The following SHISA6 variants were observed in gnomAD, a reference collection of about 807,000 sequenced individuals.
SHISA6 encodes the protein shisa family member 6.
SHISA6 carries 22 observed loss-of-function variants against 47.9 expected under a neutral mutation model. The observed-to-expected ratio is 0.46, with a 90% CI of 0.33 to 0.66. SHISA6 has a LOEUF of 0.66. Ranked by LOEUF, SHISA6 falls within the 30% of genes least tolerant of loss-of-function variation. SHISA6 has a pLI of 0.02. For missense variants in SHISA6, 680 were observed against 764.6 expected (o/e 0.89, Z 1.30); for synonymous variants, 388 against 337.8 (o/e 1.15, Z -1.63).
intron 3 of SHISA6, among the ~76,000 whole-genome samples, chr17:11,532,083 A>G (rs753773005): frequency 2.6e-5 from 4 of 151,508 alleles, no homozygotes; most frequent in Non-Finnish European, 5.9e-5. Context: ...ATGACAGAAG[A>G]TAATGATGTA....
chr17:11,454,298 C>T (rs1186690326), intron 3 of SHISA6, among the ~76,000 whole-genome samples: 7 of 152,188 alleles, frequency 4.6e-5, no homozygotes, highest in Admixed American at 4.6e-4. Flanking sequence ...CGTTATCTCT[C>T]GCCTGGGCTT....
At position 11,558,125 on chromosome 17, in the gene SHISA6, A is replaced by T. The variant is rs2072001532; in HGVS notation, c.1477A>T (p.Ser493Cys). 2 of 1,551,288 alleles carry T rather than the reference A, an allele frequency of 1.3e-6. No homozygotes were observed. Among genetic ancestry groups the T allele is most frequent in the Non-Finnish European group, 8.7e-7 (1 of 1,147,008 alleles). ...ACCCGTGCTGGACCGCTACCGCATGAGCAAGATGCACTCTCATCCCAGTGC... is the reference window on the plus strand; with the variant it reads ...ACCCGTGCTGGACCGCTACCGCATGTGCAAGATGCACTCTCATCCCAGTGC... The part of the protein sequence containing the change: ...STPVLDRYRM[S>C]KMHSHPSASN... The change falls in exon 6 of 6, where the codon AGC (serine) becomes TGC (cysteine). Residue 493 changes from serine to cysteine, a missense_variant. Around this residue, in one of 2 missense-constraint regions of SHISA6, gnomAD observed 559 missense variants for 674.1 expected, o/e 0.83. Coordinates refer to ENST00000441885, the MANE Select transcript of SHISA6 (RefSeq NM_207386.4).
chr17:11,422,168 G>A (rs1914466787), intron 3 of SHISA6, among the ~76,000 whole-genome samples: 1 of 152,200 alleles, frequency 6.6e-6, no homozygotes, highest in Non-Finnish European at 1.5e-5. Context: ...CTCAGGCTGA[G>A]CATGTGATGA....
intron 2 of SHISA6, among the ~76,000 whole-genome samples, chr17:11,301,967 CA>C (rs1909943771): frequency 6.6e-6 from 1 of 152,180 alleles, no homozygotes; most frequent in African/African-American, 2.4e-5. Flanking sequence ...AGGCAAAAGG[CA>C]CTTCTTACAT....
chr17:11,459,105 G>T (rs980773740), intron 3 of SHISA6, among the ~76,000 whole-genome samples: 1 of 151,416 alleles, frequency 6.6e-6, no homozygotes, highest in Non-Finnish European at 1.5e-5. Flanking sequence ...TGTGGTCCCA[G>T]CTACTCGGGA....
intron 2 of SHISA6, among the ~76,000 whole-genome samples, chr17:11,345,141 C>G (rs556079779): frequency 6.6e-5 from 10 of 152,190 alleles, no homozygotes; most frequent in African/African-American, 2.4e-4. Flanking sequence ...AATAGTATTT[C>G]ATTTGAATGA....
intron 2 of SHISA6, among the ~76,000 whole-genome samples, chr17:11,352,712 G>T (rs936241308): frequency 2.6e-5 from 4 of 152,134 alleles, no homozygotes; most frequent in Non-Finnish European, 5.9e-5. Context: ...GAGAGGGTTG[G>T]TGCGCCTTGT....
At chr17:11,267,391 G>T (rs1252845662) in intron 2 of SHISA6, among the ~76,000 whole-genome samples, 4 of 152,166 alleles carry the variant, frequency 2.6e-5, no homozygotes, top group Non-Finnish European at 5.9e-5. Flanking sequence ...CAGAGGATTT[G>T]TACACATGAT....
At position 11,493,919 on chromosome 17, in the gene SHISA6, T is replaced by G. The variant is rs1435434477; in HGVS notation, c.896-57977T>G. On this transcript the variant is annotated intron_variant, in intron 3 of 5. Transcript: ENST00000441885. ...TAAATTCTGTTCTCCCTTCTATTTT[T>G]TTTTTGACTTGTTCTTTCTTTATAC... is the stretch of plus-strand genomic sequence containing the variant. Among the ~76,000 whole-genome samples the G allele has an allele frequency of 6.1e-5, 9 of 147,714 alleles. No homozygotes were observed. The East Asian group carries it at 1.7e-3, about 29-fold the overall frequency.
chr17:11,439,090 C>T (rs1206969104), intron 3 of SHISA6, among the ~76,000 whole-genome samples: 2 of 152,148 alleles, frequency 1.3e-5, no homozygotes, highest in Non-Finnish European at 2.9e-5. Context: ...GGGCTGGGCT[C>T]TCCTACTCCT....
intron 2 of SHISA6, among the ~76,000 whole-genome samples, chr17:11,345,575 C>G (rs1022104348): frequency 1.3e-5 from 2 of 152,054 alleles, no homozygotes; most frequent in African/African-American, 2.4e-5. Context: ...ATTTTGCTAT[C>G]TTAACAATAT....
At chr17:11,407,089 A>C (rs1049057450) in intron 3 of SHISA6, among the ~76,000 whole-genome samples, 1 of 152,170 alleles carries the variant, frequency 6.6e-6, no homozygotes, top group Non-Finnish European at 1.5e-5. Flanking sequence ...CATAAATAAT[A>C]ATAGCTAGCA....
chr17:11,491,990 C>T (rs1228254156), intron 3 of SHISA6, among the ~76,000 whole-genome samples: 3 of 151,990 alleles, frequency 2.0e-5, no homozygotes, highest in Non-Finnish European at 2.9e-5. Flanking sequence ...AGGATGGTCT[C>T]GATCTCTTGA....
At chr17:11,533,587 ATTTTTTTTTTT>A (rs3038696) in intron 3 of SHISA6, among the ~76,000 whole-genome samples, 1 of 94,998 alleles carries the variant, frequency 1.1e-5, no homozygotes, top group Non-Finnish European at 2.0e-5. Flanking sequence ...CCCTTTCATT[ATTTTTTTTTTT>A]TTTTTTTTTT....
intron 3 of SHISA6, among the ~76,000 whole-genome samples, chr17:11,513,206 ATATG>A (rs1197422054): frequency 2.3e-5 from 3 of 131,312 alleles, no homozygotes; most frequent in Non-Finnish European, 3.2e-5. Flanking sequence ...ATGTGTGTAT[ATATG>A]TATGTGTTAT....
intron 3 of SHISA6, among the ~76,000 whole-genome samples, chr17:11,549,166 T>C (rs1333366607): frequency 6.6e-6 from 1 of 152,052 alleles, no homozygotes; most frequent in African/African-American, 2.4e-5. Context: ...GTTATTTAGG[T>C]GGGGGAGTTG....
chr17:11,443,288 A>G lies in SHISA6; in HGVS notation c.895+63779A>G, dbSNP rs576525979. On this transcript the variant is annotated intron_variant, in intron 3 of 5. Transcript: ENST00000441885. ...GAATTTGCACATCCATCCCTCTGTA[A>G]GAGTGGGCCCATGGAACATGAAGAT... Among the ~76,000 whole-genome samples, 5 of 152,340 alleles carry G rather than the reference A, an allele frequency of 3.3e-5. No individual in the cohort carries two copies. In the East Asian group the frequency reaches 7.7e-4, roughly 24 times the overall value.
intron 3 of SHISA6, among the ~76,000 whole-genome samples, chr17:11,394,744 A>C (rs1489935169): frequency 6.6e-6 from 1 of 152,140 alleles, no homozygotes; most frequent in Non-Finnish European, 1.5e-5. Flanking sequence ...CGGTGCAGAT[A>C]ATTCCTGTAT....
chr17:11,277,220 C>T (rs529173038), intron 2 of SHISA6, among the ~76,000 whole-genome samples: 5 of 147,992 alleles, frequency 3.4e-5, no homozygotes, highest in Admixed American at 2.7e-4. Flanking sequence ...TGGTCTCTCC[C>T]TCCCCATCCC....
Sources: allele counts gnomAD v4.1 joint callset (sites outside exome capture counted in the v4.1 genomes callset), GRCh38; gene constraint gnomAD v4.1.1; regional missense constraint gnomAD v4.1.1; transcripts MANE v1.5; gene names NCBI Gene and HGNC (gene_info 2026-07-23, HGNC 2026-07-21).